Variants in PREX1 observed in about 807,000 individuals in gnomAD.
The protein encoded by PREX1 is phosphatidylinositol 3,4,5-trisphosphate-dependent Rac exchanger 1 protein.
In PREX1, 41 loss-of-function variants were observed where a neutral mutation model predicts 198.3. That is an observed-to-expected ratio of 0.21 (90% CI 0.16 to 0.27). The LOEUF (loss-of-function observed/expected upper bound fraction) is 0.27, where lower values mean the gene tolerates loss of function less well. Among genes scored for constraint, PREX1 ranks in the 10% least tolerant of loss-of-function variants. PREX1 has a pLI of 1.00. For synonymous variants in PREX1, 843 were observed against 887.2 expected, an observed-to-expected ratio of 0.95 and a Z score of 0.89; for missense variants, 1,620 against 2,200.7, an observed-to-expected ratio of 0.74 and a Z score of 5.28.
intron 10 of PREX1, among the ~76,000 whole-genome samples, chr20:48,687,387 G>C (rs984617509): frequency 6.6e-5 from 10 of 152,214 alleles, no homozygotes; most frequent in African/African-American, 1.7e-4. Context: ...GCGCCTTAAA[G>C]TCCTGAACTC....
intron 6 of PREX1, among the ~76,000 whole-genome samples, chr20:48,705,969 G>GTGCCTCAGC (rs1396323803): frequency 6.6e-6 from 1 of 152,200 alleles, no homozygotes; most frequent in Non-Finnish European, 1.5e-5. Flanking sequence ...CCAAGTCCCT[G>GTGCCTCAGC]TGCCTCAGCT....
chr20:48,782,676 G>T (rs1023298160), intron 1 of PREX1, among the ~76,000 whole-genome samples: 1 of 152,146 alleles, frequency 6.6e-6, no homozygotes, highest in Non-Finnish European at 1.5e-5. Flanking sequence ...CTGAAAGCAT[G>T]ATGAGGAGAC....
At chr20:48,765,171 GTTA>G (rs1450985244) in intron 1 of PREX1, among the ~76,000 whole-genome samples, 1 of 152,152 alleles carries the variant, frequency 6.6e-6, no homozygotes, top group Non-Finnish European at 1.5e-5. Context: ...CTAATACTCT[GTTA>G]TTATGATTAC....
chr20:48,857,403 C>T, the PREX1 span, among the ~76,000 whole-genome samples: 2 of 152,092 alleles, frequency 1.3e-5, no homozygotes, highest in African/African-American at 2.4e-5. Context: ...AGGGCTTGGC[C>T]GGGCACAGTG....
intron 25 of PREX1, 53 bp from the exon 26 acceptor site, chr20:48,646,110 C>T (rs1397472898): frequency 3.2e-6 from 5 of 1,569,466 alleles, no homozygotes; most frequent in Non-Finnish European, 4.3e-6. Flanking sequence ...CCTTTGTGTC[C>T]CTTCCCTGAA....
intron 9 of PREX1, among the ~76,000 whole-genome samples, chr20:48,689,454 G>C (rs2089805162): frequency 6.6e-6 from 1 of 152,192 alleles, no homozygotes; most frequent in Non-Finnish European, 1.5e-5. Context: ...ATTGGAAGTG[G>C]TGAAACCAGA....
intron 32 of PREX1, 23 bp downstream of exon 32, chr20:48,636,440 G>T: frequency 6.3e-7 from 1 of 1,577,304 alleles, no homozygotes; most frequent in Non-Finnish European, 8.6e-7. Flanking sequence ...CAGCGGGGCC[G>T]CCCTCCCGCC....
chr20:48,682,637 C>A (rs770360642), intron 10 of PREX1, among the ~76,000 whole-genome samples: 3 of 152,190 alleles, frequency 2.0e-5, no homozygotes, highest in Non-Finnish European at 4.4e-5. Context: ...TGCTCCCAGG[C>A]CAGAGGAAGA....
At chr20:48,702,949 A>T (rs2089882939) in intron 6 of PREX1, among the ~76,000 whole-genome samples, 1 of 152,238 alleles carries the variant, frequency 6.6e-6, no homozygotes. Context: ...TGAACAAAGA[A>T]ACAAGAAGTG....
chr20:48,843,632 T>C, the PREX1 span, among the ~76,000 whole-genome samples: 1 of 152,196 alleles, frequency 6.6e-6, no homozygotes, highest in African/African-American at 2.4e-5. Flanking sequence ...AAAGTAATTA[T>C]AGTTTGCTCA....
At chr20:48,750,832 T>C (rs1203218841) in intron 1 of PREX1, among the ~76,000 whole-genome samples, 1 of 152,106 alleles carries the variant, frequency 6.6e-6, no homozygotes, top group African/African-American at 2.4e-5. Context: ...TAACCCCCAA[T>C]CCAACATCAG....
At chr20:48,869,155 G>A in the PREX1 span, among the ~76,000 whole-genome samples, 592 of 152,204 alleles carry the variant, frequency 3.9e-3, 1 homozygote, top group African/African-American at 0.013. Flanking sequence ...AATTACAGGT[G>A]TGAGCCACCA....
At chr20:48,823,385 C>T (rs557308942) in intron 1 of PREX1, among the ~76,000 whole-genome samples, 5 of 152,308 alleles carry the variant, frequency 3.3e-5, no homozygotes, top group African/African-American at 1.2e-4. Flanking sequence ...TACTCAGCCT[C>T]CTCTAGGGGA....
chr20:48,650,025 G>A lies in PREX1; in HGVS notation c.2999C>T (p.Pro1000Leu), dbSNP rs768235010. The change falls in exon 24 of 40, where the codon CCC becomes CTC. Residue 1000 changes from proline (P) to leucine (L), a missense_variant. Physicochemically the swap from Pro to Leu is moderately conservative, Grantham distance 98 (BLOSUM62 -3). Around this residue, in one of 7 missense-constraint regions of PREX1, gnomAD observed 514 missense variants for 611.6 expected, o/e 0.84. Coordinates refer to ENST00000371941, the MANE Select transcript of PREX1 (RefSeq NM_020820.4). Reference sequence around the variant, plus strand: ...CTCCGGGTCAAGGCCGATGAGGGAGGGTTTGCGTCCAAAGCGGATGCTGAA... The same window carrying A: ...CTCCGGGTCAAGGCCGATGAGGGAGAGTTTGCGTCCAAAGCGGATGCTGAA... ...RSFSIRFGRK[P>L]SLIGLDPEQG... 2.5e-6 allele frequency: 4 copies of A among 1,614,228 alleles called. No individual in the cohort carries two copies. The Admixed American group carries it at 6.7e-5, about 27-fold the overall frequency.
In PREX1 at chr20:48,827,987, G is replaced by T; in HGVS notation, c.-127C>A. 1 of 236,334 alleles carries T rather than the reference G, an allele frequency of 4.2e-6. No homozygotes were observed. Among genetic ancestry groups the T allele is most frequent in the Non-Finnish European group, 6.7e-6 (1 of 148,368 alleles). The allele number at this position is 236,334 out of a possible 1,614,324, so 14.6% of individuals were successfully genotyped here. On this transcript the variant is annotated 5_prime_UTR_variant, in exon 1 of 40. Transcript: ENST00000371941. This position sits in a 1 kb window ranked among gnomAD's most constrained non-coding sequence, Gnocchi z 4.1. Reference sequence around the variant, plus strand: ...CAGCGGCGGGCCGGGCTCCCGGCGCGGCGGGCGGGACTGGGGGCCGGGCGG... The same window carrying T: ...CAGCGGCGGGCCGGGCTCCCGGCGCTGCGGGCGGGACTGGGGGCCGGGCGG...
At chr20:48,727,411 C>T (rs183723376) in intron 4 of PREX1, among the ~76,000 whole-genome samples, 88 of 152,188 alleles carry the variant, frequency 5.8e-4, no homozygotes, top group African/African-American at 2.0e-3. Flanking sequence ...TTGCCTCTCT[C>T]GGCTCATTCC....
intron 1 of PREX1, among the ~76,000 whole-genome samples, chr20:48,820,872 C>G (rs192798673): frequency 6.6e-6 from 1 of 152,194 alleles, no homozygotes; most frequent in African/African-American, 2.4e-5. Context: ...CAGACCAACG[C>G]TAGGGCCAGA....
chr20:48,637,790 GGA>G, intron 30 of PREX1, 38 bp from the exon 31 acceptor site: 1 of 1,581,702 alleles, frequency 6.3e-7, no homozygotes, highest in Non-Finnish European at 8.7e-7. Context: ...GGACGGGCTG[GGA>G]GGGGGCAGCA....
chr20:48,653,222 C>G (rs2089514268), intron 20 of PREX1, 139 bp downstream of exon 20: 3 of 1,330,408 alleles, frequency 2.3e-6, no homozygotes, highest in Non-Finnish European at 3.1e-6. Flanking sequence ...GGCCCAGCTC[C>G]CTCTTGTTGG....
Sources: allele counts gnomAD v4.1 joint callset (sites outside exome capture counted in the v4.1 genomes callset), GRCh38; gene constraint gnomAD v4.1.1; regional missense constraint gnomAD v4.1.1; non-coding constraint Gnocchi (gnomAD v3.1); transcripts MANE v1.5; gene names NCBI Gene and HGNC (gene_info 2026-07-23, HGNC 2026-07-21).